Variants in SORCS2 observed in about 807,000 individuals in gnomAD.
The protein encoded by SORCS2 is VPS10 domain-containing receptor SorCS2.
A neutral mutation model predicts 141.6 loss-of-function variants in SORCS2; 100 were observed. The observed-to-expected ratio is 0.71, with a 90% CI of 0.60 to 0.83. The LOEUF is 0.83. SORCS2 is among the 40% of genes least tolerant of loss of function. The probability of loss-of-function intolerance (pLI) is 0.00; values close to 1 mark genes in which losing one functional copy is unlikely to be tolerated. For synonymous variants in SORCS2, 789 were observed against 676.9 expected, an observed-to-expected ratio of 1.17 and a Z score of -2.57; for missense variants, 1,646 against 1,560.2, an observed-to-expected ratio of 1.05 and a Z score of -0.93.
chr4:7,308,493 A>G (rs549255424), intron 1 of SORCS2, among the ~76,000 whole-genome samples: 5 of 152,120 alleles, frequency 3.3e-5, no homozygotes, highest in Non-Finnish European at 5.9e-5. Context: ...CATGAAACCC[A>G]TCCCCTTCCT....
In SORCS2 at chr4:7,656,203, C is replaced by T. The variant is rs139225415; in HGVS notation, c.887+1996C>T. 5.3e-3 allele frequency among the ~76,000 whole-genome samples: 812 copies of T among 152,356 alleles called. 6 individuals are homozygous for T. Among genetic ancestry groups the T allele is most frequent in the African/African-American group, 0.019 (784 of 41,586 alleles). On this transcript the variant is annotated intron_variant, in intron 5 of 26. Coordinates refer to ENST00000507866, the MANE Select transcript of SORCS2 (RefSeq NM_020777.3). ...GACTCATTAACGTTTTGTGAAGCTA[C>T]ACAGCAAGCAAGCTCATTAGAGTGG...
chr4:7,607,799 T>G (rs1334087109), intron 3 of SORCS2, among the ~76,000 whole-genome samples: 1 of 151,942 alleles, frequency 6.6e-6, no homozygotes, highest in African/African-American at 2.4e-5. Flanking sequence ...ATTCCCAGGA[T>G]CACATGGCCA....
At chr4:7,415,580 C>T (rs111802465) in intron 2 of SORCS2, among the ~76,000 whole-genome samples, 1 of 152,212 alleles carries the variant, frequency 6.6e-6, no homozygotes, top group African/African-American at 2.4e-5. Flanking sequence ...CCTGCAAAGT[C>T]CCTTTGGCCA....
chr4:7,696,361 T>G (rs991569874), intron 11 of SORCS2, among the ~76,000 whole-genome samples: 4 of 152,178 alleles, frequency 2.6e-5, no homozygotes, highest in Admixed American at 6.5e-5. Flanking sequence ...AGAAATCCTT[T>G]GTTCAAGCTA....
chr4:7,405,261 G>C (rs1395949039), intron 2 of SORCS2, among the ~76,000 whole-genome samples: 1 of 152,100 alleles, frequency 6.6e-6, no homozygotes, highest in Non-Finnish European at 1.5e-5. Context: ...CTGTAGCCTT[G>C]TAATATAATT....
intron 12 of SORCS2, 60 bp from the exon 13 acceptor site, chr4:7,703,220 C>T: frequency 7.7e-6 from 11 of 1,424,738 alleles, no homozygotes; most frequent in Non-Finnish European, 9.6e-6. Context: ...AGCCGCTCAG[C>T]CTGGAACAAC....
At chr4:7,673,417 G>C (rs1417460253) in intron 8 of SORCS2, among the ~76,000 whole-genome samples, 1 of 152,192 alleles carries the variant, frequency 6.6e-6, no homozygotes, top group African/African-American at 2.4e-5. Flanking sequence ...TTCCCCGTAG[G>C]GAAGCAGCTC....
intron 10 of SORCS2, among the ~76,000 whole-genome samples, chr4:7,684,060 A>G (rs2108971557): frequency 6.6e-6 from 1 of 152,042 alleles, no homozygotes; most frequent in East Asian, 1.9e-4. Context: ...CCCTTCCAAC[A>G]CCCCTGTGAG....
At chr4:7,623,400 C>T (rs978029400) in intron 3 of SORCS2, among the ~76,000 whole-genome samples, 4 of 148,440 alleles carry the variant, frequency 2.7e-5, no homozygotes, top group African/African-American at 7.5e-5. Context: ...GTGGCTGGCC[C>T]GTGACTTCTG....
chr4:7,369,182 G>A (rs1185743395), intron 1 of SORCS2, among the ~76,000 whole-genome samples: 2 of 152,108 alleles, frequency 1.3e-5, no homozygotes, highest in African/African-American at 4.8e-5. Flanking sequence ...GTGGTGGCGT[G>A]CACCTGTAAT....
At chr4:7,733,805 C>T (rs944023628) in intron 24 of SORCS2, among the ~76,000 whole-genome samples, 2 of 152,226 alleles carry the variant, frequency 1.3e-5, no homozygotes, top group Non-Finnish European at 2.9e-5. Flanking sequence ...CGCCCCACAC[C>T]AGCATCAACA....
At chr4:7,373,134 T>C (rs1277548163) in intron 1 of SORCS2, among the ~76,000 whole-genome samples, 1 of 151,818 alleles carries the variant, frequency 6.6e-6, no homozygotes, top group African/African-American at 2.4e-5. Context: ...GATAAATATA[T>C]GTTTAACTTT....
chr4:7,622,689 C>A (rs4689800), intron 3 of SORCS2, among the ~76,000 whole-genome samples: 34,427 of 152,012 alleles, frequency 0.23, 4,582 homozygotes, highest in East Asian at 0.56. Flanking sequence ...GATATCTGTT[C>A]TTCCAGATCT....
At chr4:7,606,531 T>C (rs571381693) in intron 3 of SORCS2, among the ~76,000 whole-genome samples, 1 of 152,228 alleles carries the variant, frequency 6.6e-6, no homozygotes, top group African/African-American at 2.4e-5. Flanking sequence ...AGAGCTCCTC[T>C]GTCAGATGTC....
intron 1 of SORCS2, among the ~76,000 whole-genome samples, chr4:7,225,550 A>G (rs988087880): frequency 1.3e-5 from 2 of 152,160 alleles, no homozygotes; most frequent in Non-Finnish European, 2.9e-5. Context: ...AGTCCTGGGA[A>G]GGGGCTGGGA....
At chr4:7,341,357 C>A (rs1055682385) in intron 1 of SORCS2, among the ~76,000 whole-genome samples, 3 of 152,254 alleles carry the variant, frequency 2.0e-5, no homozygotes, top group Non-Finnish European at 4.4e-5. Context: ...TCCAGAAAGC[C>A]TTCCTAGTCC....
chr4:7,381,191 G>A (rs1352586819), intron 1 of SORCS2, among the ~76,000 whole-genome samples: 2 of 152,184 alleles, frequency 1.3e-5, no homozygotes, highest in Admixed American at 1.3e-4. Context: ...TGAATGATCA[G>A]ATATTGGGTT....
At chr4:7,510,564 G>C (rs1339574353) in intron 2 of SORCS2, among the ~76,000 whole-genome samples, 1 of 151,868 alleles carries the variant, frequency 6.6e-6, no homozygotes, top group African/African-American at 2.4e-5. Flanking sequence ...GGCATGTCCA[G>C]GAAATGCGAC....
At chr4:7,346,763 G>C (rs1720675410) in intron 1 of SORCS2, among the ~76,000 whole-genome samples, 1 of 152,190 alleles carries the variant, frequency 6.6e-6, no homozygotes, top group African/African-American at 2.4e-5. Context: ...CTGAAGGATT[G>C]ATCTTCCTTC....
Sources: allele counts gnomAD v4.1 joint callset (sites outside exome capture counted in the v4.1 genomes callset), GRCh38; gene constraint gnomAD v4.1.1; transcripts MANE v1.5; gene names NCBI Gene and HGNC (gene_info 2026-07-23, HGNC 2026-07-21).